The following CAPN3 variants were observed in gnomAD, a reference collection of about 807,000 sequenced individuals.
The protein encoded by CAPN3 is calpain-3.
Under a neutral mutation model 114.0 loss-of-function variants are expected in CAPN3, and 88 were observed. The observed-to-expected ratio is 0.77, with a 90% CI of 0.65 to 0.92. The LOEUF is 0.92. Among genes scored for constraint, CAPN3 ranks in the 40% least tolerant of loss-of-function variants. CAPN3 has a pLI of 0.00. For synonymous variants in CAPN3, 386 were observed against 382.9 expected (o/e 1.01, Z -0.09); for missense variants, 1,028 against 1,069.0 (o/e 0.96, Z 0.53).
At position 42,359,612 on chromosome 15, in the gene CAPN3, A is replaced by C. The variant is rs988315468; in HGVS notation, c.-194A>C. ...TTCTCAGGAGAACTTATGGCTTCAG[A>C]ATCACAGCTCGGTTTTTAAGATGGA... On this transcript the variant is annotated 5_prime_UTR_variant, in exon 1 of 24. Coordinates refer to ENST00000397163, the MANE Select transcript of CAPN3 (RefSeq NM_000070.3). 4.9e-6 allele frequency: 7 copies of C among 1,432,600 alleles called. No individual in the cohort carries two copies. In the African/African-American group the frequency reaches 1.0e-4, roughly 21 times the overall value. 88.7% of individuals were successfully genotyped at this position (1,432,600 alleles called of 1,614,324 possible).
Position 42,412,199 on chromosome 15 carries a change from C to T in CAPN3, c.*426C>T, listed in dbSNP as rs547577547. Reference sequence around the variant, plus strand: ...GGAACCAAACCAGCACTGGGTTCTACTGCTGTGGGGTAAACTAACTCAGTG... The same window carrying T: ...GGAACCAAACCAGCACTGGGTTCTATTGCTGTGGGGTAAACTAACTCAGTG... On this transcript the variant is annotated 3_prime_UTR_variant, in exon 24 of 24. Coordinates refer to ENST00000397163, the MANE Select transcript of CAPN3 (RefSeq NM_000070.3). 1.3e-6 allele frequency: 2 copies of T among 1,535,832 alleles called. No individual in the cohort carries two copies. Among genetic ancestry groups the T allele is most frequent in the African/African-American group, 1.4e-5 (1 of 73,172 alleles).
chr15:42,395,223 T>TA (rs1457115195), intron 8 of CAPN3, among the ~76,000 whole-genome samples: 2 of 152,194 alleles, frequency 1.3e-5, no homozygotes, highest in African/African-American at 4.8e-5. Flanking sequence ...CCTCCCTTGA[T>TA]ACACTGTGAT....
intron 14 of CAPN3, chr15:42,404,207 T>A: frequency 2.2e-6 from 1 of 457,620 alleles, no homozygotes; most frequent in Non-Finnish European, 4.4e-6. Context: ...CTGGACAATT[T>A]CTGTAATCCC....
intron 16 of CAPN3, 117 bp from the exon 17 acceptor site, chr15:42,409,186 T>C: frequency 1.2e-6 from 1 of 865,768 alleles, no homozygotes; most frequent in Non-Finnish European, 1.9e-6. Context: ...CGTCCCCAGC[T>C]CCTGCTGCCA....
chr15:42,410,765 G>A (rs2054192682), intron 21 of CAPN3, 99 bp downstream of exon 21: 1 of 1,359,578 alleles, frequency 7.4e-7, no homozygotes, highest in African/African-American at 1.4e-5. Context: ...AGAAAGGAGA[G>A]GGAAAGGGCT....
At position 42,401,759 on chromosome 15, in the gene CAPN3, G is replaced by A. The variant is rs2053877764; in HGVS notation, c.1473G>A (p.Lys491=). Residue 491 remains lysine, a synonymous_variant, in exon 11 of 24, where the codon AAG becomes AAA. Coordinates refer to ENST00000397163, the MANE Select transcript of CAPN3 (RefSeq NM_000070.3). The part of the protein sequence containing the change: ...LVALMQKNRR[K]DRKLGASLFT... ...CCCTGATGCAGAAGAACCGGCGGAAGGACCGGAAGCTAGGGGCCAGTCTCT... is the reference window on the plus strand; with the variant it reads ...CCCTGATGCAGAAGAACCGGCGGAAAGACCGGAAGCTAGGGGCCAGTCTCT... 1 of 1,613,962 alleles carries A rather than the reference G, an allele frequency of 6.2e-7. No individual in the cohort carries two copies. Among genetic ancestry groups the A allele is most frequent in the African/African-American group, 1.3e-5 (1 of 74,896 alleles).
At chr15:42,400,827 A>G (rs2053841334) in intron 10 of CAPN3, among the ~76,000 whole-genome samples, 1 of 152,168 alleles carries the variant, frequency 6.6e-6, no homozygotes, top group African/African-American at 2.4e-5. Context: ...GAAGATTTGT[A>G]ATAGAGCATC....
intron 8 of CAPN3, among the ~76,000 whole-genome samples, chr15:42,395,311 TC>T (rs1341410175): frequency 1.3e-4 from 20 of 152,130 alleles, no homozygotes; most frequent in Admixed American, 9.8e-4. Flanking sequence ...GCTACACCTA[TC>T]CTTACTTCCT....
At chr15:42,393,624 C>G (rs1208078624) in intron 7 of CAPN3, among the ~76,000 whole-genome samples, 1 of 146,342 alleles carries the variant, frequency 6.8e-6, no homozygotes, top group African/African-American at 2.6e-5. Context: ...GACGGAGTCT[C>G]ACTCTGTTGC....
In CAPN3 at chr15:42,402,007, G is replaced by A. The variant is rs972464720; in HGVS notation, c.1525-117G>A. The A allele has an allele frequency of 2.7e-5, 39 of 1,432,360 alleles. No homozygotes were observed. The African/African-American group carries it at 5.3e-4, about 19-fold the overall frequency. The allele number at this position is 1,432,360 out of a possible 1,614,324, so 88.7% of individuals were successfully genotyped here. ...GAGAGGCAGTGGAGCGGGCCTGGCA[G>A]AACAGGTGCCTGGGGGTCAGGCTTC... On this transcript the variant is annotated intron_variant, in intron 11 of 23. Transcript: ENST00000397163.
intron 16 of CAPN3, chr15:42,409,038 G>C: frequency 1.9e-6 from 1 of 522,654 alleles, no homozygotes; most frequent in Non-Finnish European, 3.5e-6. Context: ...GGCTCTTGCA[G>C]GTGGGGACTG....
At chr15:42,411,166 G>A in intron 22 of CAPN3, 121 bp from the exon 23 acceptor site, 1 of 1,029,206 alleles carries the variant, frequency 9.7e-7, no homozygotes, top group Non-Finnish European at 1.5e-6. Flanking sequence ...GTGATTCTCT[G>A]CCTGCACATC....
rs768449814 is a variant in CAPN3, at chr15:42,402,886, G to C, written c.1629G>C (p.Val543=). Residue 543 remains valine (V), a synonymous_variant, in exon 13 of 24, where the codon GTG becomes GTC. Coordinates refer to ENST00000397163, the MANE Select transcript of CAPN3 (RefSeq NM_000070.3). ...RSKTYINMRE[V]SQRFRLPPSE... Reference sequence around the variant, plus strand: ...AAACCTACATCAACATGCGGGAGGTGTCCCAGCGCTTCCGCCTGCCTCCCA... The same window carrying C: ...AAACCTACATCAACATGCGGGAGGTCTCCCAGCGCTTCCGCCTGCCTCCCA... 2.5e-6 allele frequency: 4 copies of C among 1,614,142 alleles called. No individual in the cohort carries two copies. The highest frequency in any genetic ancestry group is 3.4e-6 in the Non-Finnish European group (4 of 1,179,988).
At position 42,385,845 on chromosome 15, in the gene CAPN3, A is replaced by T. The variant is rs777018949; in HGVS notation, c.380-322A>T. On this transcript the variant is annotated intron_variant, in intron 2 of 23. Transcript: ENST00000397163. ...CTACAGGTGTTAGGAAGAACAACCC[A>T]GTTATGATCACCTACTGCTCTGTCT... 6.9e-6 allele frequency: 4 copies of T among 575,890 alleles called. No homozygotes were observed. In the Admixed American group the frequency reaches 7.5e-5, roughly 11 times the overall value. The allele number at this position is 575,890 out of a possible 1,614,324, so 35.7% of individuals were successfully genotyped here.
In CAPN3 at chr15:42,393,738, C is replaced by T. The variant is rs28364449; in HGVS notation, c.1030-518C>T. ...CCTCCTGAGTAGCTGGGATTACAGG[C>T]GCGTGTCACCATGCCCAGCTAATTT... On this transcript the variant is annotated intron_variant, in intron 7 of 23. Transcript: ENST00000397163. Among the ~76,000 whole-genome samples, 521 of 151,980 alleles carry T rather than the reference C, an allele frequency of 3.4e-3. 23 individuals are homozygous for T. In the East Asian group the frequency reaches 0.086, roughly 25 times the overall value.
intron 8 of CAPN3, among the ~76,000 whole-genome samples, chr15:42,396,494 C>T (rs778640588): frequency 6.6e-6 from 1 of 152,132 alleles, no homozygotes. Context: ...CCCACCTCGG[C>T]CTCCCAAAGT....
At chr15:42,373,194 AAAAT>A (rs28745871) in intron 1 of CAPN3, among the ~76,000 whole-genome samples, 14 of 152,306 alleles carry the variant, frequency 9.2e-5, no homozygotes, top group East Asian at 1.9e-4. Context: ...CCCTATCTCA[AAAAT>A]AAATAAATAA....
At chr15:42,397,626 A>C (rs1047443969) in intron 9 of CAPN3, among the ~76,000 whole-genome samples, 1 of 151,600 alleles carries the variant, frequency 6.6e-6, no homozygotes, top group Non-Finnish European at 1.5e-5. Flanking sequence ...CCTGGGCGAC[A>C]AGAGAGACTC....
Position 42,360,113 on chromosome 15 carries a change from C to T in CAPN3, c.308C>T (p.Pro103Leu), listed in dbSNP as rs148538711. Residue 103 changes from proline to leucine, a missense_variant and splice_region_variant, in exon 1 of 24, where the codon CCG becomes CTG. Physicochemically the swap from Pro to Leu is moderately conservative, Grantham distance 98 (BLOSUM62 -3). Transcript: ENST00000397163. ...ATCCAGTTCGTCTGGAAGAGACCTC[C>T]GGTGAGTAGCTTCCTGCTTGCTGGC... ...FPIQFVWKRP[P>L]EICENPRFII... is the part of the protein sequence containing the mutation. 1.9e-5 allele frequency: 31 copies of T among 1,614,024 alleles called. No homozygotes were observed. The African/African-American group carries it at 2.0e-4, about 10-fold the overall frequency.
Sources: gnomAD v4.1 joint callset for allele counts (sites outside exome capture counted in the v4.1 genomes callset) on GRCh38, gnomAD v4.1.1 for gene constraint, MANE v1.5 for transcripts, NCBI Gene and HGNC (gene_info 2026-07-23, HGNC 2026-07-21) for gene names.